MYRIP: variants seen among roughly 807,000 people sequenced by gnomAD.
MYRIP encodes the protein myosin VIIA and Rab interacting protein, also known as rab effector MyRIP.
A neutral mutation model predicts 98.0 loss-of-function variants in MYRIP; 49 were observed. That is an observed-to-expected ratio of 0.50 (90% CI 0.40 to 0.63). The LOEUF (loss-of-function observed/expected upper bound fraction) is 0.63. MYRIP is among the 30% of genes least tolerant of loss of function. The pLI, the probability that MYRIP is intolerant of heterozygous loss-of-function variation, is 0.00. For synonymous variants in MYRIP, 404 were observed against 409.5 expected (o/e 0.99, Z 0.16); for missense variants, 1,004 against 1,058.2 (o/e 0.95, Z 0.71).
chr3:39,833,833 CA>C (rs1941544660), intron 1 of MYRIP, among the ~76,000 whole-genome samples: 1 of 152,096 alleles, frequency 6.6e-6, no homozygotes, highest in Non-Finnish European at 1.5e-5. Flanking sequence ...CCAGCCTGGC[CA>C]ACATGGTGAA....
intron 3 of MYRIP, among the ~76,000 whole-genome samples, chr3:40,049,703 A>T (rs568466347): frequency 6.6e-6 from 1 of 152,268 alleles, no homozygotes; most frequent in African/African-American, 2.4e-5. Flanking sequence ...TGAGGAAGGC[A>T]TATTGAGAAC....
intron 3 of MYRIP, among the ~76,000 whole-genome samples, chr3:40,058,630 A>T (rs971975862): frequency 5.3e-5 from 8 of 152,204 alleles, no homozygotes; most frequent in Admixed American, 1.3e-4. Flanking sequence ...ATTATGAACT[A>T]AAACATTATC....
At chr3:39,874,351 G>T (rs970685948) in intron 1 of MYRIP, among the ~76,000 whole-genome samples, 1 of 151,312 alleles carries the variant, frequency 6.6e-6, no homozygotes, top group African/African-American at 2.5e-5. Flanking sequence ...CTGCCTAATT[G>T]CCTGGGCCAG....
At chr3:40,182,499 G>GTA in intron 9 of MYRIP, 126 bp downstream of exon 9, 1 of 1,109,568 alleles carries the variant, frequency 9.0e-7, no homozygotes, top group Non-Finnish European at 1.3e-6. Flanking sequence ...TGTCCCTCTG[G>GTA]GCTACCAAGT....
chr3:39,905,357 T>C (rs1294903279), intron 2 of MYRIP, among the ~76,000 whole-genome samples: 1 of 152,222 alleles, frequency 6.6e-6, no homozygotes, highest in Admixed American at 6.5e-5. Flanking sequence ...ATATCAGTAT[T>C]AGACATTCTT....
chr3:40,108,770 G>A (rs1949101538), intron 3 of MYRIP, among the ~76,000 whole-genome samples: 1 of 152,180 alleles, frequency 6.6e-6, no homozygotes, highest in Non-Finnish European at 1.5e-5. Context: ...GCGATTGTAA[G>A]CATTAAGACT....
intron 4 of MYRIP, 126 bp downstream of exon 4, chr3:40,151,310 C>A (rs769767946): frequency 5.0e-6 from 5 of 1,006,024 alleles, no homozygotes; most frequent in Non-Finnish European, 6.7e-6. Flanking sequence ...TATCTGGCAC[C>A]AGTGAGAAGC....
At chr3:39,824,708 GT>G (rs796535868) in intron 1 of MYRIP, among the ~76,000 whole-genome samples, 2,026 of 144,760 alleles carry the variant, frequency 0.014, 49 homozygotes, top group African/African-American at 0.046. Flanking sequence ...CCGACTGATC[GT>G]TTTTTTTTTT....
At chr3:39,909,723 T>C (rs1457546705) in intron 2 of MYRIP, among the ~76,000 whole-genome samples, 1 of 152,064 alleles carries the variant, frequency 6.6e-6, no homozygotes, top group African/African-American at 2.4e-5. Context: ...AAAGGGAACA[T>C]GTTTTCACAA....
chr3:40,251,308 A>T (rs1034742489), intron 15 of MYRIP, among the ~76,000 whole-genome samples: 2 of 152,280 alleles, frequency 1.3e-5, no homozygotes, highest in Non-Finnish European at 2.9e-5. Flanking sequence ...GTTAAAATTT[A>T]TCACAGATTC....
chr3:40,074,474 C>T (rs1229005270), intron 3 of MYRIP, among the ~76,000 whole-genome samples: 1 of 152,046 alleles, frequency 6.6e-6, no homozygotes, highest in Non-Finnish European at 1.5e-5. Flanking sequence ...ATATAGAGCA[C>T]ACCTAAATCT....
intron 3 of MYRIP, 50 bp from the exon 4 acceptor site, chr3:40,150,998 T>TTTG: frequency 6.8e-7 from 1 of 1,474,904 alleles, no homozygotes; most frequent in East Asian, 2.5e-5. Context: ...GTTTTGCAAT[T>TTTG]CACCATTTAA....
At chr3:39,906,897 TA>T (rs1943892459) in intron 2 of MYRIP, among the ~76,000 whole-genome samples, 1 of 152,156 alleles carries the variant, frequency 6.6e-6, no homozygotes, top group Non-Finnish European at 1.5e-5. Flanking sequence ...AAATGCAAAA[TA>T]CAGCTTCCTA....
chr3:39,946,557 C>T (rs367605622), intron 2 of MYRIP, among the ~76,000 whole-genome samples: 10 of 152,194 alleles, frequency 6.6e-5, no homozygotes, highest in South Asian at 2.1e-4. Flanking sequence ...AGTGCTGAGA[C>T]GGAGGAGCCA....
Position 40,086,549 on chromosome 3 carries a change from A to T in MYRIP, c.332+42278A>T, listed in dbSNP as rs1279881837. On this transcript the variant is annotated intron_variant, in intron 3 of 16. Transcript: ENST00000302541. The stretch of plus-strand genomic sequence containing the variant: ...GCTGCTCTTCGCCAGGTTTCAGGAC[A>T]TGCGGTGTGAGCTGGCTTTCCTGGC... Among the ~76,000 whole-genome samples, 3 of 152,202 alleles carry T rather than the reference A, an allele frequency of 2.0e-5. No individual in the cohort carries two copies. In the East Asian group the frequency reaches 5.8e-4, roughly 29 times the overall value.
chr3:39,942,559 A>G (rs1944813325), intron 2 of MYRIP, among the ~76,000 whole-genome samples: 1 of 152,144 alleles, frequency 6.6e-6, no homozygotes, highest in African/African-American at 2.4e-5. Flanking sequence ...TTTTGGGCGT[A>G]CAGGTGATAT....
intron 13 of MYRIP, among the ~76,000 whole-genome samples, chr3:40,247,893 C>T (rs931422320): frequency 1.6e-4 from 24 of 152,254 alleles, no homozygotes; most frequent in African/African-American, 5.1e-4. Context: ...CAGGCATACA[C>T]GCACTTGCCT....
At chr3:40,178,945 ACT>A (rs1488212123) in intron 8 of MYRIP, among the ~76,000 whole-genome samples, 2 of 152,182 alleles carry the variant, frequency 1.3e-5, no homozygotes, top group East Asian at 3.9e-4. Flanking sequence ...ATGTTCAAAC[ACT>A]CTAACTCAGA....
chr3:39,999,689 G>T (rs933775441), intron 2 of MYRIP, among the ~76,000 whole-genome samples: 6 of 152,070 alleles, frequency 3.9e-5, no homozygotes, highest in African/African-American at 1.2e-4. Context: ...TATACCTAAA[G>T]GATTATAAAA....
Sources: allele counts gnomAD v4.1 joint callset (sites outside exome capture counted in the v4.1 genomes callset), GRCh38; gene constraint gnomAD v4.1.1; transcripts MANE v1.5; gene names NCBI Gene and HGNC (gene_info 2026-07-23, HGNC 2026-07-21).